The following CALN1 variants were observed in gnomAD, a reference collection of about 807,000 sequenced individuals.
CALN1 encodes calcium-binding protein 8.
In CALN1, 17 loss-of-function variants were observed where a neutral mutation model predicts 30.6. The observed-to-expected ratio is 0.56, with a 90% CI of 0.38 to 0.83. CALN1 has a LOEUF of 0.83. Ranked by LOEUF, CALN1 falls within the 40% of genes least tolerant of loss-of-function variation. The probability of loss-of-function intolerance (pLI) is 0.00; values close to 1 mark genes in which losing one functional copy is unlikely to be tolerated. For missense variants in CALN1, 291 were observed against 354.9 expected (o/e 0.82, Z 1.45); for synonymous variants, 156 against 131.4 (o/e 1.19, Z -1.28).
intron 3 of CALN1, among the ~76,000 whole-genome samples, chr7:72,266,981 G>C (rs750901703): frequency 1.1e-4 from 16 of 152,208 alleles, no homozygotes; most frequent in Non-Finnish European, 1.6e-4. Flanking sequence ...TCAGGGCAGA[G>C]CTGTATATCT....
chr7:71,799,376 C>A (rs1326042143), intron 6 of CALN1, among the ~76,000 whole-genome samples: 3 of 152,072 alleles, frequency 2.0e-5, no homozygotes, highest in Non-Finnish European at 4.4e-5. Context: ...AGCTCTTAAC[C>A]AGCTCTGTTT....
chr7:72,098,869 C>G (rs903247027), intron 4 of CALN1, among the ~76,000 whole-genome samples: 1 of 151,916 alleles, frequency 6.6e-6, no homozygotes, highest in Non-Finnish European at 1.5e-5. Context: ...CTCCTGCCTG[C>G]CTTCCATTCT....
chr7:72,499,873 CTT>C, the CALN1 span, among the ~76,000 whole-genome samples: 9 of 64,302 alleles, frequency 1.4e-4, no homozygotes, highest in East Asian at 3.6e-4. Flanking sequence ...TTCTTTCTTT[CTT>C]TCTTTCTTTC....
chr7:72,054,226 T>G (rs1331717560), intron 4 of CALN1, among the ~76,000 whole-genome samples: 1 of 152,046 alleles, frequency 6.6e-6, no homozygotes, highest in African/African-American at 2.4e-5. Flanking sequence ...CCACACTGTT[T>G]TCCGTAGCGG....
At chr7:72,191,995 CCA>C (rs1229155134) in intron 3 of CALN1, among the ~76,000 whole-genome samples, 2 of 152,096 alleles carry the variant, frequency 1.3e-5, no homozygotes, top group Admixed American at 6.6e-5. Context: ...ACGGCAAAAA[CCA>C]CAGTTACTTT....
chr7:72,374,904 C>G (rs1002391554), intron 2 of CALN1, among the ~76,000 whole-genome samples: 17 of 152,174 alleles, frequency 1.1e-4, no homozygotes, highest in African/African-American at 4.1e-4. Context: ...CTGGGATCAT[C>G]TGTAAACACT....
chr7:72,193,782 A>G (rs1169333123), intron 3 of CALN1, among the ~76,000 whole-genome samples: 1 of 152,224 alleles, frequency 6.6e-6, no homozygotes, highest in African/African-American at 2.4e-5. Context: ...TTCAGCCATA[A>G]AAAGGAACAA....
chr7:72,117,625 G>A (rs1808079271), intron 3 of CALN1, among the ~76,000 whole-genome samples: 1 of 152,028 alleles, frequency 6.6e-6, no homozygotes, highest in Admixed American at 6.6e-5. Flanking sequence ...AGTTGGCTGG[G>A]GGCCTAGGAT....
intron 5 of CALN1, among the ~76,000 whole-genome samples, chr7:71,962,376 C>T (rs36052708): frequency 0.15 from 23,110 of 152,150 alleles, 2,182 homozygotes; most frequent in Non-Finnish European, 0.23. Context: ...GCACTGCAGC[C>T]TGGGTGAAAG....
chr7:72,396,235 T>TAAAAAAAA (rs55683543), intron 2 of CALN1, among the ~76,000 whole-genome samples: 3,670 of 52,628 alleles, frequency 0.07, 162 homozygotes, highest in East Asian at 0.14. Context: ...TTGTCTCTAC[T>TAAAAAAAA]AAAAAAAAAA....
chr7:72,349,599 T>C (rs148599792), intron 2 of CALN1, among the ~76,000 whole-genome samples: 83 of 152,174 alleles, frequency 5.5e-4, no homozygotes, highest in Admixed American at 1.4e-3. Context: ...CAAAAGACAA[T>C]GGAACATTTT....
intron 3 of CALN1, among the ~76,000 whole-genome samples, chr7:72,137,059 A>C (rs1004672622): frequency 2.0e-5 from 3 of 152,212 alleles, no homozygotes; most frequent in African/African-American, 7.2e-5. Context: ...AAGTTAGGTC[A>C]GAGAGCCCTT....
At chr7:72,011,160 GA>G (rs199500589) in intron 5 of CALN1, among the ~76,000 whole-genome samples, 1 of 145,238 alleles carries the variant, frequency 6.9e-6, no homozygotes, top group African/African-American at 2.6e-5. Flanking sequence ...AAAAAAAAAA[GA>G]AAAAAAACAA....
At chr7:71,819,494 G>A (rs151101721) in intron 5 of CALN1, among the ~76,000 whole-genome samples, 43 of 152,298 alleles carry the variant, frequency 2.8e-4, no homozygotes, top group Non-Finnish European at 6.0e-4. Flanking sequence ...ATGAGCCACC[G>A]TGCCTGGCCT....
At chr7:72,180,607 CTTTTTTTTT>C (rs150600925) in intron 3 of CALN1, among the ~76,000 whole-genome samples, 3 of 90,004 alleles carry the variant, frequency 3.3e-5, no homozygotes, top group African/African-American at 9.6e-5. Flanking sequence ...GCTTTTTTTT[CTTTTTTTTT>C]TTTTTTTTAG....
At chr7:71,803,055 A>G (rs1787400222) in intron 6 of CALN1, among the ~76,000 whole-genome samples, 3 of 152,142 alleles carry the variant, frequency 2.0e-5, no homozygotes, top group Admixed American at 2.0e-4. Context: ...AAAAAAGTAT[A>G]GCAAGCATAT....
chr7:72,496,774 G>C, the CALN1 span, among the ~76,000 whole-genome samples: 2 of 152,308 alleles, frequency 1.3e-5, no homozygotes, highest in South Asian at 2.1e-4. Flanking sequence ...AGCAACTAGA[G>C]AGGCTGAGGT....
chr7:72,196,826 G>GT lies in CALN1; in HGVS notation c.244+81859dup, dbSNP rs199888146. Among the ~76,000 whole-genome samples the GT allele has an allele frequency of 1.0e-2, 1,520 of 152,198 alleles. 85 individuals are homozygous for GT. Among genetic ancestry groups the GT allele is most frequent in the Admixed American group, 0.083 (1,275 of 15,274 alleles). On this transcript the variant is annotated intron_variant, in intron 3 of 6. Coordinates refer to ENST00000395275, the MANE Select transcript of CALN1 (RefSeq NM_031468.4). ...TTTTTATTCCTGATGAGAAAACTGGGTCATTTGCCCAGCAGCCCACAGTTA... is the reference window on the plus strand; with the variant it reads ...TTTTTATTCCTGATGAGAAAACTGGGTTCATTTGCCCAGCAGCCCACAGTTA...
chr7:72,315,333 T>C (rs1188083835), intron 2 of CALN1, among the ~76,000 whole-genome samples: 1 of 152,080 alleles, frequency 6.6e-6, no homozygotes, highest in East Asian at 1.9e-4. Context: ...AACATCAATG[T>C]GCAATTCACA....
Sources: gnomAD v4.1 joint callset for allele counts (sites outside exome capture counted in the v4.1 genomes callset) on GRCh38, gnomAD v4.1.1 for gene constraint, MANE v1.5 for transcripts, NCBI Gene and HGNC (gene_info 2026-07-23, HGNC 2026-07-21) for gene names.